KAZN: variants seen among roughly 807,000 people sequenced by gnomAD.
KAZN encodes kazrin.
KAZN carries 40 observed loss-of-function variants against 87.4 expected under a neutral mutation model. The ratio of observed to expected loss-of-function variants is 0.46; its 90% CI spans 0.36 to 0.60. KAZN has a LOEUF of 0.60. Ranked by LOEUF, KAZN falls within the 20% of genes least tolerant of loss-of-function variation. KAZN has a pLI of 0.00. For synonymous variants in KAZN, 466 were observed against 458.3 expected (o/e 1.02, Z -0.22); for missense variants, 898 against 1,073.9 (o/e 0.84, Z 2.29).
At chr1:14,082,452 G>A (rs920226240) in intron 1 of KAZN, among the ~76,000 whole-genome samples, 1 of 152,164 alleles carries the variant, frequency 6.6e-6, no homozygotes. Context: ...GGCCAGGCCT[G>A]TAGTAGATTT....
Position 14,856,141 on chromosome 1 carries a change from A to G in KAZN, c.227-104543A>G, listed in dbSNP as rs1020694557. 2.0e-5 allele frequency among the ~76,000 whole-genome samples: 3 copies of G among 152,194 alleles called. No individual in the cohort carries two copies. Among genetic ancestry groups the G allele is most frequent in the African/African-American group, 7.2e-5 (3 of 41,442 alleles). On this transcript the variant is annotated intron_variant, in intron 1 of 14. Coordinates refer to ENST00000376030, the MANE Select transcript of KAZN (RefSeq NM_201628.3). This position sits in a 1 kb window ranked among gnomAD's most constrained non-coding sequence, Gnocchi z 5.2. ...TTATTGCAAGGGTCTGTGCTATAAAATCAGACTCTGAGGGTGGTCAGGGAG... is the reference window on the plus strand; with the variant it reads ...TTATTGCAAGGGTCTGTGCTATAAAGTCAGACTCTGAGGGTGGTCAGGGAG...
At chr1:13,911,728 A>G (rs1252599162) in intron 1 of KAZN, among the ~76,000 whole-genome samples, 2 of 152,198 alleles carry the variant, frequency 1.3e-5, no homozygotes, top group African/African-American at 4.8e-5. Flanking sequence ...AGTTTGCTGT[A>G]TAATATCATT....
At chr1:14,386,873 T>G (rs1258947948) in intron 2 of KAZN, among the ~76,000 whole-genome samples, 2 of 152,218 alleles carry the variant, frequency 1.3e-5, no homozygotes, top group Non-Finnish European at 2.9e-5. Context: ...CTTGCTGGAT[T>G]GGGGAAGTTC....
rs188933140 is a variant in KAZN at position 15,049,953 on chromosome 1, G to A, written c.726+5794G>A. Among the ~76,000 whole-genome samples the A allele has an allele frequency of 6.5e-3, 995 of 152,162 alleles. 5 individuals are homozygous for A. The highest frequency in any genetic ancestry group is 0.011 in the Non-Finnish European group (729 of 67,996). On this transcript the variant is annotated intron_variant, in intron 4 of 14. Coordinates refer to ENST00000376030, the MANE Select transcript of KAZN (RefSeq NM_201628.3). ...GCAGGAGAATCGCTTGAACCCAGGAGGGTTGCAGTGAGCTGAGATCACACC... is the reference window on the plus strand; with the variant it reads ...GCAGGAGAATCGCTTGAACCCAGGAAGGTTGCAGTGAGCTGAGATCACACC...
At chr1:15,040,508 G>A (rs1672778713) in intron 3 of KAZN, among the ~76,000 whole-genome samples, 1 of 152,216 alleles carries the variant, frequency 6.6e-6, no homozygotes, top group South Asian at 2.1e-4. Context: ...GCTCATGCCT[G>A]TAATCCTAGC....
At chr1:14,940,539 G>T (rs1038150211) in intron 1 of KAZN, among the ~76,000 whole-genome samples, 1 of 152,188 alleles carries the variant, frequency 6.6e-6, no homozygotes, top group Non-Finnish European at 1.5e-5. Context: ...TGGGTTGGGT[G>T]GTTGGGAGCA....
intron 2 of KAZN, among the ~76,000 whole-genome samples, chr1:14,987,027 T>C (rs1182565225): frequency 3.3e-5 from 5 of 152,136 alleles, no homozygotes; most frequent in Non-Finnish European, 7.3e-5. Context: ...TATCGAGTCC[T>C]GGTGGGCAGA....
At chr1:15,045,461 C>T (rs1271646759) in intron 4 of KAZN, among the ~76,000 whole-genome samples, 2 of 152,226 alleles carry the variant, frequency 1.3e-5, no homozygotes, top group Non-Finnish European at 2.9e-5. Flanking sequence ...TGCCGATCCC[C>T]TGCGCAGCTA....
At chr1:14,004,817 C>G (rs1639966505) in intron 1 of KAZN, among the ~76,000 whole-genome samples, 1 of 152,046 alleles carries the variant, frequency 6.6e-6, no homozygotes, top group South Asian at 2.1e-4. Context: ...AATGAGGTCT[C>G]TGTTCTCAGG....
At chr1:14,713,133 G>A (rs952434367) in intron 1 of KAZN, among the ~76,000 whole-genome samples, 9 of 152,190 alleles carry the variant, frequency 5.9e-5, no homozygotes, top group African/African-American at 2.2e-4. Context: ...TGGGGTGACT[G>A]GGGCCACCAG....
intron 2 of KAZN, among the ~76,000 whole-genome samples, chr1:14,575,748 A>G (rs1338145686): frequency 3.3e-5 from 5 of 152,204 alleles, no homozygotes; most frequent in Non-Finnish European, 7.3e-5. Context: ...TCATTGAGGA[A>G]CCTGGTCGTT....
Position 14,510,646 on chromosome 1 carries a change from A to G in KAZN, c.250-88337A>G, listed in dbSNP as rs1670854258. Among the ~76,000 whole-genome samples the G allele has an allele frequency of 2.0e-5, 3 of 152,148 alleles. No homozygotes were observed. In the South Asian group the frequency reaches 6.2e-4, roughly 32 times the overall value. On this transcript the variant is annotated intron_variant, in intron 2 of 16. Coordinates refer to the KAZN transcript ENST00000636203. ...CTTAAGCAGGGAGTGACATGAACTA[A>G]TTTACATTTTTTAAAGATTATCCTG...
chr1:13,935,031 G>T (rs1640668232), intron 1 of KAZN, among the ~76,000 whole-genome samples: 1 of 152,128 alleles, frequency 6.6e-6, no homozygotes, highest in Non-Finnish European at 1.5e-5. Context: ...GAGGTCAGGA[G>T]TTCAAGACCA....
chr1:14,743,976 G>T (rs553504734), intron 1 of KAZN, among the ~76,000 whole-genome samples: 1 of 152,196 alleles, frequency 6.6e-6, no homozygotes, highest in East Asian at 1.9e-4. Flanking sequence ...CTGGTACCTG[G>T]AAAAGAGGAA....
intron 1 of KAZN, among the ~76,000 whole-genome samples, chr1:13,900,055 AG>A (rs58519114): frequency 0.018 from 2,777 of 152,292 alleles, 88 homozygotes; most frequent in African/African-American, 0.063. Context: ...CCTTATGAGT[AG>A]CTGCTAGCAT....
At chr1:14,912,555 A>AT (rs1202978167) in intron 1 of KAZN, among the ~76,000 whole-genome samples, 1 of 151,886 alleles carries the variant, frequency 6.6e-6, no homozygotes, top group Non-Finnish European at 1.5e-5. Flanking sequence ...TAATTTTCAT[A>AT]TTTTTTGTAG....
chr1:14,778,667 G>C (rs1236062030), intron 1 of KAZN, among the ~76,000 whole-genome samples: 1 of 152,112 alleles, frequency 6.6e-6, no homozygotes, highest in Non-Finnish European at 1.5e-5. Flanking sequence ...ACAGGTACTG[G>C]TTATCCAGTG....
At chr1:13,893,489 A>C in exon 1 of KAZN, 1 of 1,094,636 alleles carries the variant, frequency 9.1e-7, no homozygotes, top group Non-Finnish European at 1.3e-6. Context: ...GAAAAACTGC[A>C]AGGAAAGGGT....
chr1:14,599,785 T>C lies in KAZN; in HGVS notation c.226+562T>C, dbSNP rs1250501977. On this transcript the variant is annotated intron_variant, in intron 1 of 14. Transcript: ENST00000376030. The surrounding 1 kb of genome is among the most constrained non-coding windows in gnomAD (Gnocchi z 4.4). Reference sequence around the variant, plus strand: ...GCATTGGAATCTATAGATGCAACAGTAGATGCTCAGCTCAGCAGGGAGTTT... The same window carrying C: ...GCATTGGAATCTATAGATGCAACAGCAGATGCTCAGCTCAGCAGGGAGTTT... Among the ~76,000 whole-genome samples, 1 of 152,168 alleles carries C rather than the reference T, an allele frequency of 6.6e-6. No homozygotes were observed. Among genetic ancestry groups the C allele is most frequent in the Non-Finnish European group, 1.5e-5 (1 of 68,032 alleles).
Sources: allele counts gnomAD v4.1 joint callset (sites outside exome capture counted in the v4.1 genomes callset), GRCh38; gene constraint gnomAD v4.1.1; non-coding constraint Gnocchi (gnomAD v3.1); transcripts MANE v1.5; gene names NCBI Gene and HGNC (gene_info 2026-07-23, HGNC 2026-07-21).